The following FAIM2 variants were observed in gnomAD, a reference collection of about 807,000 sequenced individuals.
FAIM2 encodes the protein protein lifeguard 2.
In FAIM2, 27 loss-of-function variants were observed where a neutral mutation model predicts 47.4. The ratio of observed to expected loss-of-function variants is 0.57; its 90% CI spans 0.42 to 0.78. The LOEUF is 0.78. Ranked by LOEUF, FAIM2 falls within the 30% of genes least tolerant of loss-of-function variation. The pLI, the probability that FAIM2 is intolerant of heterozygous loss-of-function variation, is 0.00. For missense variants in FAIM2, 311 were observed against 389.4 expected (o/e 0.80, Z 1.69); for synonymous variants, 156 against 159.3 (o/e 0.98, Z 0.16).
At chr12:49,880,178 A>ATGCATGTGTGTATATGTGCATGTGTGTG (rs1946801467) in intron 11 of FAIM2, among the ~76,000 whole-genome samples, 1 of 56,708 alleles carries the variant, frequency 1.8e-5, no homozygotes, top group Non-Finnish European at 3.7e-5. Context: ...ATGTGTGTGT[A>ATGCATGTGTGTATATGTGCATGTGTGTG]TGCATGTGTG....
intron 11 of FAIM2, among the ~76,000 whole-genome samples, chr12:49,876,759 G>A (rs915152070): frequency 6.6e-6 from 1 of 152,008 alleles, no homozygotes; most frequent in Non-Finnish European, 1.5e-5. Flanking sequence ...GTGACAGAGC[G>A]AGACTCCATT....
chr12:49,897,455 T>C, intron 4 of FAIM2, 64 bp downstream of exon 4: 1 of 1,468,092 alleles, frequency 6.8e-7, no homozygotes, highest in South Asian at 1.1e-5. Flanking sequence ...TGATCATGGG[T>C]TCCCCGGCTC....
chr12:49,890,860 C>T (rs2137099631), intron 6 of FAIM2, 138 bp from the exon 7 acceptor site: 1 of 879,540 alleles, frequency 1.1e-6, no homozygotes, highest in East Asian at 2.4e-5. Context: ...GCCACATCCC[C>T]ATTTGCTCCC....
At chr12:49,898,156 C>T in intron 2 of FAIM2, 66 bp from the exon 3 acceptor site, 7 of 1,236,720 alleles carry the variant, frequency 5.7e-6, no homozygotes, top group Non-Finnish European at 8.4e-6. Flanking sequence ...TCCCCAACAG[C>T]CCCCAACTCA....
intron 11 of FAIM2, among the ~76,000 whole-genome samples, chr12:49,885,463 C>A (rs1946854836): frequency 6.6e-6 from 1 of 152,188 alleles, no homozygotes; most frequent in Non-Finnish European, 1.5e-5. Flanking sequence ...TAGTCCGATT[C>A]CCCACCACAT....
intron 1 of FAIM2, 125 bp from the exon 2 acceptor site, chr12:49,901,450 A>G: frequency 1.5e-6 from 1 of 681,668 alleles, no homozygotes; most frequent in South Asian, 2.3e-5. Flanking sequence ...CTTGGAAGCC[A>G]GGAATGCAGA....
chr12:49,901,170 T>G lies in FAIM2; in HGVS notation c.171A>C (p.Thr57=). Residue 57 remains threonine, a synonymous_variant, in exon 2 of 12, where the codon ACA becomes ACC. Transcript: ENST00000320634. ...MKAGAFPPAP[T]AVPLHPSWAY... is the part of the protein sequence containing the mutation. ...CCCAGCTAGGGTGGAGAGGCACCGC[T>G]GTGGGGGCTGGGGGGAAGGCCCCTG... The G allele has an allele frequency of 6.2e-7, 1 of 1,607,298 alleles. No homozygotes were observed. The highest frequency in any genetic ancestry group is 8.5e-7 in the Non-Finnish European group (1 of 1,177,250).
intron 11 of FAIM2, 21 bp downstream of exon 11, chr12:49,887,365 A>C (rs999343669): frequency 6.2e-7 from 1 of 1,604,810 alleles, no homozygotes; most frequent in African/African-American, 1.3e-5. Context: ...GGAGGCTGCC[A>C]AGGAGCTAGA....
In FAIM2 at chr12:49,888,364, G is replaced by T. The variant is rs562057239; in HGVS notation, c.747+743C>A. Among the ~76,000 whole-genome samples, 44 of 152,274 alleles carry T rather than the reference G, an allele frequency of 2.9e-4. No homozygotes were observed. The South Asian group carries it at 6.8e-3, about 24-fold the overall frequency. On this transcript the variant is annotated intron_variant, in intron 10 of 11. Coordinates refer to ENST00000320634, the MANE Select transcript of FAIM2 (RefSeq NM_012306.4). ...GAGGGGGATGTGAGGACAACTGCTC[G>T]CAGCCCTACTAGAAAAGGGCAGTGG... is the stretch of plus-strand genomic sequence containing the variant.
intron 11 of FAIM2, among the ~76,000 whole-genome samples, chr12:49,873,388 G>C (rs1401977290): frequency 6.6e-6 from 1 of 152,098 alleles, no homozygotes; most frequent in African/African-American, 2.4e-5. Context: ...TGCTCCTTCT[G>C]TGTTTGATTT....
At chr12:49,900,725 C>A (rs184384620) in intron 2 of FAIM2, among the ~76,000 whole-genome samples, 2 of 152,282 alleles carry the variant, frequency 1.3e-5, no homozygotes, top group East Asian at 3.9e-4. Flanking sequence ...AAACACTGCA[C>A]CCCCACTCAC....
intron 11 of FAIM2, among the ~76,000 whole-genome samples, chr12:49,882,368 G>C (rs1946832117): frequency 6.6e-6 from 1 of 152,102 alleles, no homozygotes; most frequent in African/African-American, 2.4e-5. Context: ...CTAATGGGAG[G>C]GTAAGGGGAT....
At position 49,870,481 on chromosome 12, in the gene FAIM2, G is replaced by A. The variant is rs1203954226; in HGVS notation, c.*23C>T. 6.2e-7 allele frequency: 1 copy of A among 1,610,212 alleles called. No homozygotes were observed. Among genetic ancestry groups the A allele is most frequent in the Admixed American group, 1.7e-5 (1 of 59,828 alleles). On this transcript the variant is annotated 3_prime_UTR_variant, in exon 12 of 12. Coordinates refer to ENST00000320634, the MANE Select transcript of FAIM2 (RefSeq NM_012306.4). ...ACCAGGAGGGGCGCATTCTCTGGAG[G>A]ACGGTGGGGCAGGGAGGGCTCCTCA...
At chr12:49,895,258 G>A (rs539445830) in intron 5 of FAIM2, among the ~76,000 whole-genome samples, 1 of 152,104 alleles carries the variant, frequency 6.6e-6, no homozygotes, top group Non-Finnish European at 1.5e-5. Context: ...GCCCAGAGAT[G>A]TTGAAGAGGA....
chr12:49,888,830 C>G (rs1326377962), intron 10 of FAIM2, among the ~76,000 whole-genome samples: 1 of 152,208 alleles, frequency 6.6e-6, no homozygotes, highest in African/African-American at 2.4e-5. Flanking sequence ...CACACCCTAC[C>G]CTCAATCTCA....
At chr12:49,900,553 C>T (rs930114035) in intron 2 of FAIM2, among the ~76,000 whole-genome samples, 12 of 152,104 alleles carry the variant, frequency 7.9e-5, no homozygotes, top group African/African-American at 2.9e-4. Flanking sequence ...AAACCACACT[C>T]CCTCCCTGGG....
chr12:49,903,737 C>G, intron 1 of FAIM2, 41 bp downstream of exon 1: 1 of 1,550,710 alleles, frequency 6.4e-7, no homozygotes, highest in African/African-American at 1.4e-5. Flanking sequence ...AGCCGGGAGC[C>G]GGAGGATGGA....
chr12:49,891,174 T>C (rs2137099940), intron 5 of FAIM2, 60 bp from the exon 6 acceptor site: 2 of 1,516,820 alleles, frequency 1.3e-6, no homozygotes, highest in Non-Finnish European at 1.8e-6. Context: ...TCCCCCAAGA[T>C]CCCCTGCTTA....
At chr12:49,889,388 G>A in intron 9 of FAIM2, 93 bp downstream of exon 9, 1 of 1,225,364 alleles carries the variant, frequency 8.2e-7, no homozygotes, top group Non-Finnish European at 1.2e-6. Flanking sequence ...TCTCTCCCCA[G>A]CCCCAGGTCC....
Sources: gnomAD v4.1 joint callset for allele counts (sites outside exome capture counted in the v4.1 genomes callset) on GRCh38, gnomAD v4.1.1 for gene constraint, MANE v1.5 for transcripts, NCBI Gene and HGNC (gene_info 2026-07-23, HGNC 2026-07-21) for gene names.